Variants in RCCD1 observed in about 807,000 individuals in gnomAD.
RCCD1 encodes the protein RCC1 domain containing 1, also known as RCC1 domain-containing protein 1.
RCCD1 carries 40 observed loss-of-function variants against 37.6 expected under a neutral mutation model. The ratio of observed to expected loss-of-function variants is 1.06; its 90% CI spans 0.83 to 1.39. The LOEUF (loss-of-function observed/expected upper bound fraction) is 1.39. RCCD1 is among the 40% of genes most tolerant of loss of function. The pLI is 0.00. For synonymous variants in RCCD1, 263 were observed against 230.0 expected, an observed-to-expected ratio of 1.14 and a Z score of -1.30; for missense variants, 577 against 517.3, an observed-to-expected ratio of 1.12 and a Z score of -1.12.
Position 90,956,693 on chromosome 15 carries a change from C to A in RCCD1, c.-42C>A. Reference sequence around the variant, plus strand: ...CTCTTCGCAAGAATCCCCCCGGGCCCGCCGCAGCCAGGCGGCGGCCGGCAG... The same window carrying A: ...CTCTTCGCAAGAATCCCCCCGGGCCAGCCGCAGCCAGGCGGCGGCCGGCAG... On this transcript the variant is annotated 5_prime_UTR_variant, in exon 2 of 8. Coordinates refer to ENST00000394258, the MANE Select transcript of RCCD1 (RefSeq NM_001017919.2). 8.0e-7 allele frequency: 1 copy of A among 1,255,568 alleles called. No homozygotes were observed. The highest frequency in any genetic ancestry group is 1.0e-6 in the Non-Finnish European group (1 of 999,848). The allele number at this position is 1,255,568 out of a possible 1,614,324, so 77.8% of individuals were successfully genotyped here.
chr15:90,955,486 G>T (rs993971840), intron 1 of RCCD1: 2 of 152,436 alleles, frequency 1.3e-5, no homozygotes, highest in African/African-American at 4.8e-5. Flanking sequence ...AGAGGACACG[G>T]AAGGGGTTAG....
chr15:90,961,548 C>T, intron 7 of RCCD1, 70 bp from the exon 8 acceptor site: 3 of 1,509,380 alleles, frequency 2.0e-6, no homozygotes, highest in East Asian at 2.3e-5. Context: ...ATAGTCTGGG[C>T]CCCTTCCTGG....
Position 90,962,757 on chromosome 15 carries a change from A to AT in RCCD1, c.*989dup, listed in dbSNP as rs1020759628. The AT allele has an allele frequency of 2.0e-5, 3 of 152,220 alleles. No individual in the cohort carries two copies. Among genetic ancestry groups the AT allele is most frequent in the African/African-American group, 4.8e-5 (2 of 41,462 alleles). The allele number at this position is 152,220 out of a possible 1,614,324, so 9.4% of individuals were successfully genotyped here. A position where few individuals can be genotyped will look rare whatever the true frequency, so the allele number is the denominator to read the frequency against. ...TGTTCAAGTTTTCTGGCCTTTTAAA[A>AT]TGTTCTGTATTTTCCTTAGTGATTT... On this transcript the variant is annotated 3_prime_UTR_variant, in exon 8 of 8. Coordinates refer to ENST00000394258, the MANE Select transcript of RCCD1 (RefSeq NM_001017919.2).
rs913430799 is a variant in RCCD1 at position 90,956,681 on chromosome 15, TCC to T, written c.-49_-48del. The T allele has an allele frequency of 4.9e-6, 6 of 1,232,136 alleles. No individual in the cohort carries two copies. The East Asian group carries it at 1.6e-4, about 33-fold the overall frequency. The allele number at this position is 1,232,136 out of a possible 1,614,324, so 76.3% of individuals were successfully genotyped here. ...CCCACTAGCGGGCTCTTCGCAAGAA[TCC>T]CCCCGGGCCCGCCGCAGCCAGGCGG... On this transcript the variant is annotated 5_prime_UTR_variant, in exon 2 of 8. Transcript: ENST00000394258.
At chr15:90,961,120 A>C (rs983891730) in intron 7 of RCCD1, 66 bp downstream of exon 7, 1 of 1,499,578 alleles carries the variant, frequency 6.7e-7, no homozygotes, top group African/African-American at 1.4e-5. Context: ...AGTACAGGGC[A>C]GGTGACAAAG....
intron 4 of RCCD1, 31 bp from the exon 5 acceptor site, chr15:90,959,869 C>A: frequency 6.6e-7 from 1 of 1,514,948 alleles, no homozygotes; most frequent in South Asian, 1.2e-5. Flanking sequence ...GCTTCACAGT[C>A]TGTTTCATGT....
At chr15:90,961,119 C>T in intron 7 of RCCD1, 65 bp downstream of exon 7, 1 of 1,511,602 alleles carries the variant, frequency 6.6e-7, no homozygotes, top group South Asian at 1.2e-5. Flanking sequence ...GAGTACAGGG[C>T]AGGTGACAAA....
In RCCD1 at chr15:90,960,268, C is replaced by T. The variant is rs146526137; in HGVS notation, c.779-60C>T. 956 of 1,497,428 alleles carry T rather than the reference C, an allele frequency of 6.4e-4. 2 individuals are homozygous for T. The highest frequency in any genetic ancestry group is 1.1e-3 in the Middle Eastern group (6 of 5,636). 92.8% of individuals were successfully genotyped at this position (1,497,428 alleles called of 1,614,324 possible). A position where few individuals can be genotyped will look rare whatever the true frequency, so the allele number is the denominator to read the frequency against. ...GAGCTGTTGTGGCAATAAGTGACTG[C>T]ATGAATAAGATTTAGCTCAGGGCTC... On this transcript the variant is annotated intron_variant, in intron 5 of 7. Coordinates refer to ENST00000394258, the MANE Select transcript of RCCD1 (RefSeq NM_001017919.2).
At chr15:90,957,055 C>T in intron 2 of RCCD1, 58 bp from the exon 3 acceptor site, 2 of 1,302,406 alleles carry the variant, frequency 1.5e-6, no homozygotes, top group Non-Finnish European at 1.9e-6. Context: ...AGGAACACCC[C>T]GCTCCCCCCA....
At position 90,961,053 on chromosome 15, in the gene RCCD1, G is replaced by C; in HGVS notation, c.978G>C (p.Trp326Cys). The C allele has an allele frequency of 1.2e-6, 2 of 1,613,756 alleles. No individual in the cohort carries two copies. Among genetic ancestry groups the C allele is most frequent in the Admixed American group, 1.7e-5 (1 of 59,992 alleles). The change falls in exon 7 of 8, where the codon TGG (tryptophan) becomes TGC (cysteine). Residue 326 changes from tryptophan to cysteine, a missense_variant and splice_region_variant. By Grantham distance (215) the Trp-to-Cys change is radical (BLOSUM62 -2). Transcript: ENST00000394258. The stretch of plus-strand genomic sequence containing the variant: ...CAGGGGAGCTCTACACCTGGGGCTG[G>C]GGTAAGTAAAAGGATTGTTTTTGTG... ...TRTGELYTWG[W>C]GKYGQLGHED...
intron 2 of RCCD1, 83 bp downstream of exon 2, chr15:90,956,983 GTC>G: frequency 7.8e-7 from 1 of 1,284,160 alleles, no homozygotes; most frequent in Non-Finnish European, 9.8e-7. Context: ...AGTCCAGTTT[GTC>G]TCCCCCGTTC....
chr15:90,958,453 C>G (rs1258201076), intron 4 of RCCD1, among the ~76,000 whole-genome samples: 1 of 151,762 alleles, frequency 6.6e-6, no homozygotes, highest in Non-Finnish European at 1.5e-5. Flanking sequence ...ATGGTGAAAC[C>G]CCGTCTCTAA....
In RCCD1 at chr15:90,961,048, G is replaced by T. The variant is rs757581854; in HGVS notation, c.973G>T (p.Gly325Cys). 1.2e-6 allele frequency: 2 copies of T among 1,613,836 alleles called. No individual in the cohort carries two copies. Among genetic ancestry groups the T allele is most frequent in the Admixed American group, 1.7e-5 (1 of 59,984 alleles). The stretch of plus-strand genomic sequence containing the variant: ...AGGAACAGGGGAGCTCTACACCTGG[G>T]GCTGGGGTAAGTAAAAGGATTGTTT... ...VTRTGELYTW[G>C]WGKYGQLGHE... Residue 325 changes from glycine (G) to cysteine (C), a missense_variant, in exon 7 of 8, where the codon GGC becomes TGC. Coordinates refer to ENST00000394258, the MANE Select transcript of RCCD1 (RefSeq NM_001017919.2).
At position 90,959,940 on chromosome 15, in the gene RCCD1, G is replaced by A; in HGVS notation, c.720G>A (p.Gly240=). The A allele has an allele frequency of 2.5e-6, 4 of 1,613,822 alleles. No individual in the cohort carries two copies. The highest frequency in any genetic ancestry group is 3.4e-6 in the Non-Finnish European group (4 of 1,179,884). ...DIYIWGWNES[G]QLALPTRNLA... is the part of the protein sequence containing the mutation. ...ATATCTGGGGCTGGAATGAATCAGG[G>A]CAGCTGGCCCTGCCCACCAGGAACC... The change falls in exon 5 of 8, where the codon GGG becomes GGA. Residue 240 remains glycine, a synonymous_variant. Transcript: ENST00000394258.
chr15:90,961,419 A>T, intron 7 of RCCD1, 199 bp from the exon 8 acceptor site: 1 of 597,284 alleles, frequency 1.7e-6, no homozygotes. Context: ...GGAAGTCTGG[A>T]GGAGCGTCTT....
intron 4 of RCCD1, among the ~76,000 whole-genome samples, chr15:90,958,627 C>CAAAAAAA (rs5814447): frequency 2.4e-4 from 18 of 75,008 alleles, no homozygotes; most frequent in African/African-American, 6.1e-4. Flanking sequence ...GACTCAGTCT[C>CAAAAAAA]AAAAAAAAAA....
Position 90,960,318 on chromosome 15 carries a change from C to T in RCCD1, c.779-10C>T, listed in dbSNP as rs376275450. 1.3e-6 allele frequency: 2 copies of T among 1,589,096 alleles called. No homozygotes were observed. The highest frequency in any genetic ancestry group is 2.7e-5 in the African/African-American group (2 of 74,020). Reference sequence around the variant, plus strand: ...CAGTTGGTGTTCACATCATTATTATCATTCTGAAGCCACAGAACTGAATGA... The same window carrying T: ...CAGTTGGTGTTCACATCATTATTATTATTCTGAAGCCACAGAACTGAATGA... On this transcript the variant is annotated splice_polypyrimidine_tract_variant and intron_variant, in intron 5 of 7. Coordinates refer to ENST00000394258, the MANE Select transcript of RCCD1 (RefSeq NM_001017919.2).
In RCCD1 at chr15:90,957,691, G is replaced by A; in HGVS notation, c.645G>A (p.Val215=). ...TGCAGGGCCTAGTCATGGCTGAGGTGGCCGCGGGGGGCTGGCATTCTGTGT... is the reference window on the plus strand; with the variant it reads ...TGCAGGGCCTAGTCATGGCTGAGGTAGCCGCGGGGGGCTGGCATTCTGTGT... ...EALQGLVMAE[V]AAGGWHSVCV... Residue 215 remains valine, a synonymous_variant, in exon 4 of 8, where the codon GTG becomes GTA. Coordinates refer to ENST00000394258, the MANE Select transcript of RCCD1 (RefSeq NM_001017919.2). 6.2e-7 allele frequency: 1 copy of A among 1,613,068 alleles called. No individual in the cohort carries two copies. Among genetic ancestry groups the A allele is most frequent in the Non-Finnish European group, 8.5e-7 (1 of 1,179,466 alleles).
chr15:90,961,288 A>C, intron 7 of RCCD1: 1 of 596,534 alleles, frequency 1.7e-6, no homozygotes, highest in Non-Finnish European at 3.0e-6. Flanking sequence ...CCTCTCTGAA[A>C]GACTGTCTTA....
Sources: allele counts gnomAD v4.1 joint callset (sites outside exome capture counted in the v4.1 genomes callset), GRCh38; gene constraint gnomAD v4.1.1; transcripts MANE v1.5; gene names NCBI Gene and HGNC (gene_info 2026-07-23, HGNC 2026-07-21).